The following PCDHGA8 variants were observed in gnomAD, a reference collection of about 807,000 sequenced individuals.
The protein encoded by PCDHGA8 is protocadherin gamma subfamily A, 8.
In PCDHGA8, 45 loss-of-function variants were observed where a neutral mutation model predicts 59.2. The ratio of observed to expected loss-of-function variants is 0.76; its 90% CI spans 0.60 to 0.98. PCDHGA8 has a LOEUF of 0.98. PCDHGA8 is among the 50% of genes least tolerant of loss of function. The pLI is 0.00. For synonymous variants in PCDHGA8, 531 were observed against 519.0 expected, an observed-to-expected ratio of 1.02 and a Z score of -0.32; for missense variants, 1,257 against 1,196.2, an observed-to-expected ratio of 1.05 and a Z score of -0.75.
chr5:141,403,604 G>C, intron 1 of PCDHGA8: 2 of 1,613,768 alleles, frequency 1.2e-6, no homozygotes, highest in Non-Finnish European at 1.7e-6. Flanking sequence ...CTCGGATGGC[G>C]GCGAGCCGCG....
intron 1 of PCDHGA8, among the ~76,000 whole-genome samples, chr5:141,449,525 G>T (rs2098641561): frequency 6.7e-6 from 1 of 148,580 alleles, no homozygotes; most frequent in South Asian, 2.1e-4. Flanking sequence ...GGAGGCGGAG[G>T]TTGCAGTGAG....
chr5:141,419,514 T>C (rs1180212485), intron 1 of PCDHGA8: 1 of 1,612,266 alleles, frequency 6.2e-7, no homozygotes, highest in Admixed American at 1.7e-5. Context: ...CGCGTGTTGG[T>C]GGGCGACCGT....
rs753473913 is a variant in PCDHGA8 at position 141,503,323 on chromosome 5, G to A, written c.2484-2070G>A. On this transcript the variant is annotated intron_variant, in intron 2 of 3. Transcript: ENST00000398604. The stretch of plus-strand genomic sequence containing the variant: ...CTCAAGAAAGAATTGTTGGAGGGGC[G>A]CGGTGGCTCACGCCTGTAATTCCAG... Among the ~76,000 whole-genome samples the A allele has an allele frequency of 2.0e-5, 3 of 152,214 alleles. No individual in the cohort carries two copies. In the Middle Eastern group the frequency reaches 0.01, roughly 518 times the overall value.
rs193229261 is a variant in PCDHGA8, at chr5:141,446,714, G to A, written c.2425-48093G>A. ...GCTGGTCTCGAACTCTGATCTGCCCGCCTCGGCCTCCCAAAGTGTGGGGAT... is the reference window on the plus strand; with the variant it reads ...GCTGGTCTCGAACTCTGATCTGCCCACCTCGGCCTCCCAAAGTGTGGGGAT... On this transcript the variant is annotated intron_variant, in intron 1 of 3. Transcript: ENST00000398604. Among the ~76,000 whole-genome samples the A allele has an allele frequency of 3.3e-3, 497 of 152,154 alleles. 2 individuals are homozygous for A. Among genetic ancestry groups the A allele is most frequent in the African/African-American group, 0.011 (450 of 41,528 alleles).
chr5:141,443,999 T>C (rs2098413024), intron 1 of PCDHGA8, among the ~76,000 whole-genome samples: 1 of 152,136 alleles, frequency 6.6e-6, no homozygotes, highest in Non-Finnish European at 1.5e-5. Context: ...TTTTAAATGC[T>C]ACCTGGGTAT....
Position 141,456,898 on chromosome 5 carries a change from G to A in PCDHGA8, c.2425-37909G>A, listed in dbSNP as rs1046778634. 3.9e-5 allele frequency among the ~76,000 whole-genome samples: 6 copies of A among 152,284 alleles called. No individual in the cohort carries two copies. The South Asian group carries it at 6.2e-4, about 16-fold the overall frequency. On this transcript the variant is annotated intron_variant, in intron 1 of 3. Transcript: ENST00000398604. ...GAATCGCTTGAACCCGGGAGGCAGA[G>A]GTTGCAGTGAGCCGAGATCGCACCA...
chr5:141,428,029 C>G, intron 1 of PCDHGA8: 2 of 1,607,160 alleles, frequency 1.2e-6, no homozygotes, highest in Non-Finnish European at 1.7e-6. Flanking sequence ...GCCGCAGAGT[C>G]CGGCTACCTG....
In PCDHGA8 at chr5:141,431,326, T is replaced by G. The variant is rs1486136293; in HGVS notation, c.2424+36089T>G. 6.2e-7 allele frequency: 1 copy of G among 1,614,046 alleles called. No individual in the cohort carries two copies. Among genetic ancestry groups the G allele is most frequent in the Non-Finnish European group, 8.5e-7 (1 of 1,180,018 alleles). On this transcript the variant is annotated intron_variant, in intron 1 of 3. Transcript: ENST00000398604. This position sits in a 1 kb window ranked among gnomAD's most constrained non-coding sequence, Gnocchi z 4.8. Reference sequence around the variant, plus strand: ...TCGTGCAAAATGGAGCCGACGGTAGTAAGTACCCCGAATTGGTGCTGAAAC... The same window carrying G: ...TCGTGCAAAATGGAGCCGACGGTAGGAAGTACCCCGAATTGGTGCTGAAAC...
intron 1 of PCDHGA8, among the ~76,000 whole-genome samples, chr5:141,483,373 G>A (rs1410856257): frequency 6.6e-6 from 1 of 152,166 alleles, no homozygotes; most frequent in Admixed American, 6.5e-5. Flanking sequence ...TGCAATATTT[G>A]AAGAGAAGAT....
chr5:141,510,817 T>C, intron 3 of PCDHGA8, 130 bp from the exon 4 acceptor site: 2 of 1,551,592 alleles, frequency 1.3e-6, no homozygotes, highest in African/African-American at 2.7e-5. Flanking sequence ...GTGACCCCTA[T>C]ATTCCCAGTG....
intron 1 of PCDHGA8, chr5:141,427,495 C>T: frequency 1.8e-6 from 1 of 562,648 alleles, no homozygotes; most frequent in South Asian, 1.5e-5. Flanking sequence ...AAGCTTGTAA[C>T]AGATGGGACC....
At chr5:141,433,352 T>G (rs976015031) in intron 1 of PCDHGA8, 1 of 614,162 alleles carries the variant, frequency 1.6e-6, no homozygotes, top group Admixed American at 3.0e-5. Flanking sequence ...AGCCACCTAC[T>G]GTCTGCCTAT....
intron 1 of PCDHGA8, among the ~76,000 whole-genome samples, chr5:141,447,600 T>G (rs769487703): frequency 6.6e-6 from 1 of 151,992 alleles, no homozygotes; most frequent in Non-Finnish European, 1.5e-5. Flanking sequence ...TCCTATAGAG[T>G]CCTTAGCATT....
At chr5:141,458,730 C>T (rs1239174331) in intron 1 of PCDHGA8, among the ~76,000 whole-genome samples, 1 of 151,928 alleles carries the variant, frequency 6.6e-6, no homozygotes, top group Non-Finnish European at 1.5e-5. Flanking sequence ...CCACCACATC[C>T]AGCTATTGGT....
At chr5:141,478,488 G>A in intron 1 of PCDHGA8, 1 of 1,613,320 alleles carries the variant, frequency 6.2e-7, no homozygotes, top group Non-Finnish European at 8.5e-7. Context: ...ACGCTGCGGA[G>A]CTGTGATCCG....
chr5:141,404,952 G>A (rs2094589054), intron 1 of PCDHGA8: 3 of 1,614,030 alleles, frequency 1.9e-6, no homozygotes, highest in African/African-American at 1.3e-5. Flanking sequence ...ATAGCTGACA[G>A]CATCCCAGAC....
chr5:141,486,673 A>G lies in PCDHGA8; in HGVS notation c.2425-8134A>G. On this transcript the variant is annotated intron_variant, in intron 1 of 3. Transcript: ENST00000398604. The surrounding 1 kb of genome is among the most constrained non-coding windows in gnomAD (Gnocchi z 5.0). ...ACTCACTCCTGGAGCCCAGGAATCG[A>G]GATGTATCAGCTTCCTCTTTCATCT... The G allele has an allele frequency of 6.2e-7, 1 of 1,614,014 alleles. No homozygotes were observed. The highest frequency in any genetic ancestry group is 2.2e-5 in the East Asian group (1 of 44,866).
intron 1 of PCDHGA8, chr5:141,410,115 C>G (rs1361621262): frequency 6.2e-7 from 1 of 1,612,624 alleles, no homozygotes; most frequent in African/African-American, 1.3e-5. Flanking sequence ...AGGGACGCAG[C>G]CCGCCAGCGC....
At chr5:141,413,449 G>T in intron 1 of PCDHGA8, 2 of 1,614,120 alleles carry the variant, frequency 1.2e-6, no homozygotes, top group South Asian at 2.2e-5. Context: ...GATCACCGCG[G>T]GCAGGATAGA....
Sources: allele counts gnomAD v4.1 joint callset (sites outside exome capture counted in the v4.1 genomes callset), GRCh38; gene constraint gnomAD v4.1.1; non-coding constraint Gnocchi (gnomAD v3.1); transcripts MANE v1.5; gene names NCBI Gene and HGNC (gene_info 2026-07-23, HGNC 2026-07-21).